Variants in VPS13C observed in about 807,000 individuals in gnomAD.
VPS13C encodes vacuolar protein sorting 13 homolog C, also known as intermembrane lipid transfer protein VPS13C.
Under a neutral mutation model 456.8 loss-of-function variants are expected in VPS13C, and 358 were observed. The observed-to-expected ratio is 0.78, with a 90% CI of 0.72 to 0.86. The LOEUF (loss-of-function observed/expected upper bound fraction) is 0.86, where lower values mean the gene tolerates loss of function less well. Among genes scored for constraint, VPS13C ranks in the 40% least tolerant of loss-of-function variants. The probability of loss-of-function intolerance (pLI) is 0.00; values close to 1 mark genes in which losing one functional copy is unlikely to be tolerated. For missense variants in VPS13C, 4,818 were observed against 4,385.4 expected, an observed-to-expected ratio of 1.10 and a Z score of -2.79; for synonymous variants, 1,578 against 1,486.7, an observed-to-expected ratio of 1.06 and a Z score of -1.41.
intron 48 of VPS13C, among the ~76,000 whole-genome samples, chr15:61,936,132 A>G (rs927986239): frequency 4.6e-5 from 7 of 152,226 alleles, no homozygotes; most frequent in African/African-American, 1.7e-4. Context: ...AATAGGTTCA[A>G]ATTAATGATC....
Position 61,934,327 on chromosome 15 carries a change from T to C in VPS13C, c.5760A>G (p.Gln1920=), listed in dbSNP as rs756021602. ...VSSVPDHLKE[Q]EDWTDSKLSM... Reference sequence around the variant, plus strand: ...AGAGCTTTGAGTCTGTCCAATCTTCTTGTTCTAATGGTGAAAATTTAAAAG... The same window carrying C: ...AGAGCTTTGAGTCTGTCCAATCTTCCTGTTCTAATGGTGAAAATTTAAAAG... The change falls in exon 49 of 85, where the codon CAA becomes CAG. Residue 1920 remains glutamine (Q), a synonymous_variant. Coordinates refer to ENST00000644861, the MANE Select transcript of VPS13C (RefSeq NM_020821.3). 1.3e-6 allele frequency: 2 copies of C among 1,529,820 alleles called. No homozygotes were observed. Among genetic ancestry groups the C allele is most frequent in the East Asian group, 2.4e-5 (1 of 42,054 alleles). The allele number at this position is 1,529,820 out of a possible 1,614,324, so 94.8% of individuals were successfully genotyped here.
At chr15:61,929,128 G>A (rs893777642) in intron 51 of VPS13C, among the ~76,000 whole-genome samples, 4 of 152,096 alleles carry the variant, frequency 2.6e-5, no homozygotes, top group African/African-American at 7.2e-5. Context: ...CAAAGTCCCC[G>A]TGTTCTGCTT....
chr15:61,960,494 C>A (rs1342070437), intron 35 of VPS13C, among the ~76,000 whole-genome samples: 3 of 152,096 alleles, frequency 2.0e-5, no homozygotes, highest in Non-Finnish European at 4.4e-5. Context: ...TATAGTATTA[C>A]ATCGATATTA....
At chr15:62,037,075 G>A (rs747727103) in intron 3 of VPS13C, among the ~76,000 whole-genome samples, 1 of 146,790 alleles carries the variant, frequency 6.8e-6, no homozygotes, top group Non-Finnish European at 1.5e-5. Flanking sequence ...ATGGGTAACA[G>A]TGAAGGAAGC....
intron 36 of VPS13C, 117 bp downstream of exon 36, chr15:61,959,331 C>A (rs2045114685): frequency 1.2e-6 from 1 of 831,116 alleles, no homozygotes; most frequent in Non-Finnish European, 1.7e-6. Context: ...CAAAGTCTCA[C>A]TGAAATTTCT....
At chr15:61,869,116 CTTTTTTTTT>C (rs68084709) in intron 80 of VPS13C, among the ~76,000 whole-genome samples, 5 of 131,306 alleles carry the variant, frequency 3.8e-5, no homozygotes, top group African/African-American at 1.5e-4. Flanking sequence ...TTTCTTTTTT[CTTTTTTTTT>C]TTTTTTTTTT....
chr15:61,991,771 T>C lies in VPS13C; in HGVS notation c.1385A>G (p.Lys462Arg). 1 of 1,613,100 alleles carries C rather than the reference T, an allele frequency of 6.2e-7. No homozygotes were observed. The highest frequency in any genetic ancestry group is 8.5e-7 in the Non-Finnish European group (1 of 1,179,502). The change falls in exon 17 of 85, where the codon AAG (lysine) becomes AGG (arginine). Residue 462 changes from lysine (K) to arginine (R), a missense_variant. By Grantham distance (26) the Lys-to-Arg change is conservative. Coordinates refer to ENST00000644861, the MANE Select transcript of VPS13C (RefSeq NM_020821.3). ...ACGTTTCTCGCCTGTGTCAGCAGAC[T>C]TTTTCCTTAATTTTTGCCCAGACCG... ...VIRSGQKLRK[K>R]SADTGEKRGG...
At chr15:62,003,036 G>C (rs999296756) in intron 15 of VPS13C, among the ~76,000 whole-genome samples, 5 of 152,110 alleles carry the variant, frequency 3.3e-5, no homozygotes, top group African/African-American at 1.2e-4. Flanking sequence ...CTTTAAAGTA[G>C]TTTTTTCCAA....
chr15:61,874,890 A>C lies in VPS13C; in HGVS notation c.10400T>G (p.Phe3467Cys). 6.3e-7 allele frequency: 1 copy of C among 1,594,496 alleles called. No individual in the cohort carries two copies. Among genetic ancestry groups the C allele is most frequent in the South Asian group, 1.1e-5 (1 of 87,156 alleles). ...GTGATACATACCTACTGTGTGTCCA[A>C]AGAGGCTTCTCACTCCAATCACTAA... ...EGLVIGVRSL[F>C]GHTVGGAAGV... The change falls in exon 77 of 85, where the codon TTT (phenylalanine) becomes TGT (cysteine). Residue 3467 changes from phenylalanine (F) to cysteine (C), a missense_variant. This residue lies in a region of VPS13C where 4,552 missense variants were observed against 4,130.6 expected (regional missense o/e 1.10). Coordinates refer to ENST00000644861, the MANE Select transcript of VPS13C (RefSeq NM_020821.3).
intron 46 of VPS13C, 28 bp from the exon 47 acceptor site, chr15:61,940,822 T>C: frequency 1.3e-6 from 2 of 1,595,542 alleles, no homozygotes; most frequent in Non-Finnish European, 1.7e-6. Context: ...ATTTATTTTT[T>C]ACTTCAAATT....
chr15:61,919,908 T>C (rs1362657002), intron 57 of VPS13C, among the ~76,000 whole-genome samples, 159 bp downstream of exon 57: 1 of 151,058 alleles, frequency 6.6e-6, no homozygotes, highest in African/African-American at 2.4e-5. Flanking sequence ...AGTTTAATTT[T>C]CTCAAGTTTA....
At chr15:62,040,986 T>C (rs1188718754) in intron 3 of VPS13C, among the ~76,000 whole-genome samples, 1 of 151,862 alleles carries the variant, frequency 6.6e-6, no homozygotes, top group Non-Finnish European at 1.5e-5. Context: ...CCTACTGGAG[T>C]TTGCAAATTA....
intron 73 of VPS13C, among the ~76,000 whole-genome samples, chr15:61,880,199 G>C (rs1364809): frequency 0.072 from 10,962 of 152,068 alleles, 617 homozygotes; most frequent in East Asian, 0.21. Flanking sequence ...ATTTTGGAAG[G>C]GGGGAAAAAC....
At chr15:61,894,224 C>CTTT (rs2042735809) in intron 66 of VPS13C, among the ~76,000 whole-genome samples, 1 of 151,826 alleles carries the variant, frequency 6.6e-6, no homozygotes, top group Non-Finnish European at 1.5e-5. Flanking sequence ...AGGGGAATTG[C>CTTT]TTGAACCAAG....
intron 81 of VPS13C, chr15:61,864,987 C>G: frequency 1.0e-6 from 1 of 984,104 alleles, no homozygotes; most frequent in Non-Finnish European, 1.2e-6. Flanking sequence ...GTGCTTCAAG[C>G]CATTGACAGT....
chr15:61,993,756 T>C (rs1955402308), intron 16 of VPS13C, among the ~76,000 whole-genome samples: 1 of 151,274 alleles, frequency 6.6e-6, no homozygotes, highest in Admixed American at 6.6e-5. Context: ...TCAATTACCA[T>C]TTAAAAATAA....
At chr15:61,975,884 T>C (rs1381451625) in intron 24 of VPS13C, among the ~76,000 whole-genome samples, 7 of 151,942 alleles carry the variant, frequency 4.6e-5, no homozygotes, top group African/African-American at 1.7e-4. Context: ...ATAATACATA[T>C]GGGTTGAGTA....
chr15:61,927,314 G>C lies in VPS13C; in HGVS notation c.6293C>G (p.Ser2098Cys), dbSNP rs144073158. The C allele has an allele frequency of 1.9e-6, 3 of 1,612,988 alleles. No homozygotes were observed. Among genetic ancestry groups the C allele is most frequent in the African/African-American group, 2.7e-5 (2 of 74,862 alleles). Reference protein sequence around the residue: ...TGKVKIEKDDSVRPNMTLKAM... With the variant: ...TGKVKIEKDDCVRPNMTLKAM... Reference sequence around the variant, plus strand: ...CTTTAAAGTCATATTTGGTCTAACAGAGTCATCTGAAGAAACAAGCAACAG... The same window carrying C: ...CTTTAAAGTCATATTTGGTCTAACACAGTCATCTGAAGAAACAAGCAACAG... The change falls in exon 52 of 85, where the codon TCT becomes TGT. Residue 2098 changes from serine to cysteine, a missense_variant. By Grantham distance (112) the Ser-to-Cys change is moderately radical. Around this residue, in one of 3 missense-constraint regions of VPS13C, gnomAD observed 4,552 missense variants for 4,130.6 expected, o/e 1.10. Transcript: ENST00000644861.
At chr15:62,031,250 C>G (rs915492752) in intron 5 of VPS13C, among the ~76,000 whole-genome samples, 1 of 151,990 alleles carries the variant, frequency 6.6e-6, no homozygotes, top group Non-Finnish European at 1.5e-5. Context: ...ATTTTGTTTT[C>G]ATTTTTATCA....
Sources: allele counts gnomAD v4.1 joint callset (sites outside exome capture counted in the v4.1 genomes callset), GRCh38; gene constraint gnomAD v4.1.1; regional missense constraint gnomAD v4.1.1; transcripts MANE v1.5; gene names NCBI Gene and HGNC (gene_info 2026-07-23, HGNC 2026-07-21).